The following COL15A1 variants were observed in gnomAD, a reference collection of about 807,000 sequenced individuals.
COL15A1 encodes the protein collagen alpha-1(XV) chain.
A neutral mutation model predicts 165.9 loss-of-function variants in COL15A1; 111 were observed. The observed-to-expected ratio is 0.67, with a 90% CI of 0.57 to 0.78. COL15A1 has a LOEUF of 0.78. COL15A1 is among the 30% of genes least tolerant of loss of function. The pLI, the probability that COL15A1 is intolerant of heterozygous loss-of-function variation, is 0.00. For missense variants in COL15A1, 1,745 were observed against 1,789.7 expected, an observed-to-expected ratio of 0.98 and a Z score of 0.45; for synonymous variants, 659 against 674.8, an observed-to-expected ratio of 0.98 and a Z score of 0.36.
intron 2 of COL15A1, among the ~76,000 whole-genome samples, chr9:98,970,549 C>A (rs970165831): frequency 6.6e-6 from 1 of 152,218 alleles, no homozygotes; most frequent in Non-Finnish European, 1.5e-5. Context: ...CCCTACAACA[C>A]CCCAGCTTCC....
chr9:98,959,243 A>C (rs948023467), intron 2 of COL15A1, among the ~76,000 whole-genome samples: 2 of 151,256 alleles, frequency 1.3e-5, no homozygotes, highest in East Asian at 1.9e-4. Flanking sequence ...AAAAAAAAAA[A>C]AAAACTAAAA....
At chr9:98,958,743 G>C (rs1837817876) in intron 2 of COL15A1, among the ~76,000 whole-genome samples, 5 of 152,176 alleles carry the variant, frequency 3.3e-5, no homozygotes, top group Middle Eastern at 3.4e-3. Context: ...CTCGGCGGAG[G>C]GAAGTTCTCT....
chr9:99,015,335 G>T lies in COL15A1; in HGVS notation c.1354-82G>T, dbSNP rs1057393039. ...GCCTCCAGTTATCTGAGGCTTTAGC[G>T]CTTTCCACCCCCCAGCCTCACACCC... On this transcript the variant is annotated intron_variant, in intron 9 of 41. Transcript: ENST00000375001. 9 of 913,508 alleles carry T rather than the reference G, an allele frequency of 9.9e-6. No individual in the cohort carries two copies. The African/African-American group carries it at 1.3e-4, about 13-fold the overall frequency. 56.6% of individuals were successfully genotyped at this position (913,508 alleles called of 1,614,324 possible). A position where few individuals can be genotyped will look rare whatever the true frequency, so the allele number is the denominator to read the frequency against.
intron 2 of COL15A1, among the ~76,000 whole-genome samples, chr9:98,959,299 A>C (rs1837830087): frequency 6.6e-6 from 1 of 151,384 alleles, no homozygotes; most frequent in African/African-American, 2.4e-5. Context: ...AGTCCCAGCT[A>C]CTCAGGAGGC....
At chr9:99,040,292 C>A (rs1041901754) in intron 22 of COL15A1, among the ~76,000 whole-genome samples, 1 of 152,194 alleles carries the variant, frequency 6.6e-6, no homozygotes, top group Non-Finnish European at 1.5e-5. Flanking sequence ...GCCTGCATTA[C>A]CATGCCTCCA....
chr9:99,018,550 A>G (rs1332664632), intron 11 of COL15A1, among the ~76,000 whole-genome samples: 1 of 152,252 alleles, frequency 6.6e-6, no homozygotes, highest in Admixed American at 6.5e-5. Flanking sequence ...CGCTTTTTAA[A>G]AAAAGGCTTT....
Position 98,990,606 on chromosome 9 carries a change from C to G in COL15A1, c.804+1348C>G, listed in dbSNP as rs1838402967. Reference sequence around the variant, plus strand: ...GCGAAGCCAACTCAGGCAAAGGTGCCAACAGCCCAAGGTTGCCCTTAGAGA... The same window carrying G: ...GCGAAGCCAACTCAGGCAAAGGTGCGAACAGCCCAAGGTTGCCCTTAGAGA... On this transcript the variant is annotated intron_variant, in intron 5 of 41. Transcript: ENST00000375001. Among the ~76,000 whole-genome samples, 3 of 152,208 alleles carry G rather than the reference C, an allele frequency of 2.0e-5. No individual in the cohort carries two copies. The South Asian group carries it at 6.2e-4, about 31-fold the overall frequency.
At chr9:99,024,841 C>T (rs748341299) in intron 14 of COL15A1, 33 bp from the exon 15 acceptor site, 17 of 1,600,362 alleles carry the variant, frequency 1.1e-5, no homozygotes, top group Non-Finnish European at 1.4e-5. Context: ...CGGTATTCCC[C>T]CACTGTTTCT....
At chr9:98,950,603 C>T (rs1437486791) in intron 2 of COL15A1, among the ~76,000 whole-genome samples, 2 of 145,580 alleles carry the variant, frequency 1.4e-5, no homozygotes, top group African/African-American at 5.1e-5. Context: ...TCCCTCCCTC[C>T]CTCTCTCTCT....
At position 98,979,616 on chromosome 9, in the gene COL15A1, T is replaced by G. The variant is rs572286362; in HGVS notation, c.101-5949T>G. On this transcript the variant is annotated intron_variant, in intron 2 of 41. Coordinates refer to ENST00000375001, the MANE Select transcript of COL15A1 (RefSeq NM_001855.5). ...GCAAATATCAGTCATTTCATGGTTT[T>G]GGGGTTTTCTTTGACATTGCAGGGA... Among the ~76,000 whole-genome samples the G allele has an allele frequency of 4.6e-5, 7 of 151,946 alleles. No individual in the cohort carries two copies. The South Asian group carries it at 1.0e-3, about 23-fold the overall frequency.
At chr9:99,034,447 A>C in intron 16 of COL15A1, 102 bp from the exon 17 acceptor site, 1 of 1,477,942 alleles carries the variant, frequency 6.8e-7, no homozygotes, top group Admixed American at 2.3e-5. Flanking sequence ...GTCCTATTTT[A>C]ATATCCTATT....
intron 7 of COL15A1, among the ~76,000 whole-genome samples, chr9:99,001,384 G>A (rs1410664215): frequency 6.6e-6 from 1 of 152,132 alleles, no homozygotes; most frequent in Non-Finnish European, 1.5e-5. Context: ...GCTCCCTAGG[G>A]TGCAAAATTA....
chr9:99,011,724 G>T (rs1042168224), intron 9 of COL15A1, among the ~76,000 whole-genome samples: 1 of 151,782 alleles, frequency 6.6e-6, no homozygotes, highest in Non-Finnish European at 1.5e-5. Context: ...TTTAACTTTA[G>T]ATTCTAAATT....
At chr9:99,021,763 C>T (rs575610822) in intron 12 of COL15A1, among the ~76,000 whole-genome samples, 4 of 152,288 alleles carry the variant, frequency 2.6e-5, no homozygotes, top group Non-Finnish European at 4.4e-5. Flanking sequence ...CCACACTGGG[C>T]CTGAGCACTG....
At chr9:98,960,258 G>C (rs749587398) in intron 2 of COL15A1, among the ~76,000 whole-genome samples, 1 of 152,018 alleles carries the variant, frequency 6.6e-6, no homozygotes, top group Non-Finnish European at 1.5e-5. Flanking sequence ...AAATTAGCAT[G>C]ATGTGGTGAC....
intron 9 of COL15A1, among the ~76,000 whole-genome samples, chr9:99,011,832 A>G (rs545131580): frequency 6.6e-6 from 1 of 152,308 alleles, no homozygotes; most frequent in African/African-American, 2.4e-5. Flanking sequence ...TGCAATAGTC[A>G]TTATTTAAAG....
chr9:98,968,252 G>T (rs1837988867), intron 2 of COL15A1, among the ~76,000 whole-genome samples: 1 of 152,352 alleles, frequency 6.6e-6, no homozygotes, highest in African/African-American at 2.4e-5. Flanking sequence ...CACACAGTAA[G>T]TAAGCATTCA....
At position 98,944,004 on chromosome 9, in the gene COL15A1, A is replaced by G; in HGVS notation, c.-58A>G. Reference sequence around the variant, plus strand: ...CTCAGCGACCCTTCGTCCTCCGCTAAGCTCCAACGCTCTGCTCGACTAGCC... The same window carrying G: ...CTCAGCGACCCTTCGTCCTCCGCTAGGCTCCAACGCTCTGCTCGACTAGCC... On this transcript the variant is annotated 5_prime_UTR_variant, in exon 1 of 42. Transcript: ENST00000375001. The G allele has an allele frequency of 6.2e-7, 1 of 1,608,026 alleles. No individual in the cohort carries two copies. Among genetic ancestry groups the G allele is most frequent in the Non-Finnish European group, 8.5e-7 (1 of 1,175,818 alleles).
At position 99,052,394 on chromosome 9, in the gene COL15A1, A is replaced by G; in HGVS notation, c.2911A>G (p.Thr971Ala). 6.2e-7 allele frequency: 1 copy of G among 1,611,830 alleles called. No homozygotes were observed. The highest frequency in any genetic ancestry group is 8.5e-7 in the Non-Finnish European group (1 of 1,177,902). ...GGCCTTCCTCTCTTTCCAGGTTGATACTGCTCATCCTGGGAGTCCAGAGCT... is the reference window on the plus strand; with the variant it reads ...GGCCTTCCTCTCTTTCCAGGTTGATGCTGCTCATCCTGGGAGTCCAGAGCT... ...VRPHCKMPVD[T>A]AHPGSPELIT... Residue 971 changes from threonine to alanine, a missense_variant, in exon 31 of 42, where the codon ACT becomes GCT. Coordinates refer to ENST00000375001, the MANE Select transcript of COL15A1 (RefSeq NM_001855.5).
Sources: allele counts gnomAD v4.1 joint callset (sites outside exome capture counted in the v4.1 genomes callset), GRCh38; gene constraint gnomAD v4.1.1; transcripts MANE v1.5; gene names NCBI Gene and HGNC (gene_info 2026-07-23, HGNC 2026-07-21).